MFAP3L: variants seen among roughly 807,000 people sequenced by gnomAD.
The protein encoded by MFAP3L is microfibrillar-associated protein 3-like.
In MFAP3L, 5 loss-of-function variants were observed where a neutral mutation model predicts 20.0. That is an observed-to-expected ratio of 0.25 (90% CI 0.13 to 0.53). The LOEUF is 0.53. Ranked by LOEUF, MFAP3L falls within the 20% of genes least tolerant of loss-of-function variation. The pLI, the probability that MFAP3L is intolerant of heterozygous loss-of-function variation, is 0.96. For missense variants in MFAP3L, 409 were observed against 527.5 expected, an observed-to-expected ratio of 0.78 and a Z score of 2.20; for synonymous variants, 219 against 213.0, an observed-to-expected ratio of 1.03 and a Z score of -0.25.
chr4:169,989,886 C>T lies in MFAP3L; in HGVS notation c.*1492G>A, dbSNP rs1423511574. The T allele has an allele frequency of 6.6e-6, 1 of 152,196 alleles. No homozygotes were observed. The highest frequency in any genetic ancestry group is 2.4e-5 in the African/African-American group (1 of 41,460). The allele number at this position is 152,196 out of a possible 1,614,324, so 9.4% of individuals were successfully genotyped here. A position where few individuals can be genotyped will look rare whatever the true frequency, so the allele number is the denominator to read the frequency against. On this transcript the variant is annotated 3_prime_UTR_variant, in exon 3 of 3. Transcript: ENST00000361618. ...GGTTTTTTTGGAAGGAGAAGATCCA[C>T]AATTTGTTTAAAATGCTATTTCTCA...
chr4:170,009,995 G>A (rs952897623), intron 1 of MFAP3L, among the ~76,000 whole-genome samples: 1 of 152,300 alleles, frequency 6.6e-6, no homozygotes, highest in African/African-American at 2.4e-5. Context: ...CCTACTGAGA[G>A]TTACCCCTAT....
intron 2 of MFAP3L, among the ~76,000 whole-genome samples, chr4:169,998,875 T>A (rs1738403884): frequency 6.6e-6 from 1 of 152,236 alleles, no homozygotes; most frequent in African/African-American, 2.4e-5. Context: ...AGTAAATGTT[T>A]ATGCAAACAA....
Position 170,010,816 on chromosome 4 carries a change from T to G in MFAP3L, c.-133-4806A>C, listed in dbSNP as rs112146802. Among the ~76,000 whole-genome samples, 690 of 141,938 alleles carry G rather than the reference T, an allele frequency of 4.9e-3. 10 individuals carry two copies. The highest frequency in any genetic ancestry group is 0.018 in the African/African-American group (607 of 34,548). The allele number at this position is 141,938 out of a possible 152,430, so 93.1% of individuals were successfully genotyped here. Reference sequence around the variant, plus strand: ...GATTTCCCACTGCATTGCGGGGGGGTGGGTGCCCCTAACCCATGTTGTTCA... The same window carrying G: ...GATTTCCCACTGCATTGCGGGGGGGGGGGTGCCCCTAACCCATGTTGTTCA... On this transcript the variant is annotated intron_variant, in intron 1 of 2. Transcript: ENST00000361618.
intron 1 of MFAP3L, 129 bp downstream of exon 1, chr4:170,026,105 G>T: frequency 7.2e-6 from 3 of 418,400 alleles, no homozygotes; most frequent in Non-Finnish European, 9.6e-6. Flanking sequence ...CGCAGCCTCC[G>T]CCGCAGTCTC....
chr4:170,013,774 AATTCTT>A (rs1338346658), intron 1 of MFAP3L, among the ~76,000 whole-genome samples: 2 of 152,232 alleles, frequency 1.3e-5, no homozygotes, highest in African/African-American at 4.8e-5. Flanking sequence ...CATAATGTCA[AATTCTT>A]ATTCTTATTC....
At chr4:170,020,520 T>C (rs1461711406) in intron 1 of MFAP3L, among the ~76,000 whole-genome samples, 2 of 152,178 alleles carry the variant, frequency 1.3e-5, no homozygotes. Context: ...GTCTTCGTTG[T>C]GTCAACAGTG....
In MFAP3L at chr4:169,987,038, A is replaced by C. The variant is rs959038299; in HGVS notation, c.*4340T>G. The C allele has an allele frequency of 1.3e-5, 2 of 152,186 alleles. No homozygotes were observed. The highest frequency in any genetic ancestry group is 2.4e-5 in the African/African-American group (1 of 41,460). The allele number at this position is 152,186 out of a possible 1,614,324, so 9.4% of individuals were successfully genotyped here. On this transcript the variant is annotated 3_prime_UTR_variant, in exon 3 of 3. Transcript: ENST00000361618. ...TAGTATCAGCCTCTTTATAAATTCT[A>C]TCTCTAAAAAATCTGTTAAAGATCA... is the stretch of plus-strand genomic sequence containing the variant.
At position 169,988,072 on chromosome 4, in the gene MFAP3L, A is replaced by G. The variant is rs1157244319; in HGVS notation, c.*3306T>C. 3.9e-5 allele frequency: 6 copies of G among 152,194 alleles called. No homozygotes were observed. In the East Asian group the frequency reaches 1.2e-3, roughly 29 times the overall value. The allele number at this position is 152,194 out of a possible 1,614,324, so 9.4% of individuals were successfully genotyped here. ...ATTCTGGACATAATGACACAGCACA[A>G]TAATGCTTGGGATGGATGAGACATT... On this transcript the variant is annotated 3_prime_UTR_variant, in exon 3 of 3. Coordinates refer to ENST00000361618, the MANE Select transcript of MFAP3L (RefSeq NM_021647.8).
chr4:169,999,020 A>ATAGG (rs1338074865), intron 2 of MFAP3L, among the ~76,000 whole-genome samples: 1 of 152,194 alleles, frequency 6.6e-6, no homozygotes, highest in East Asian at 1.9e-4. Flanking sequence ...TACTGAAGAG[A>ATAGG]TAGGATTCAT....
chr4:170,026,558 C>A, upstream of MFAP3L: 1 of 151,306 alleles, frequency 6.6e-6, no homozygotes, highest in South Asian at 1.9e-4. Context: ...GCGAGCCAGT[C>A]GGTGCTGCGG....
Position 169,990,647 on chromosome 4 carries a change from A to T in MFAP3L, c.*731T>A, listed in dbSNP as rs1737592493. 1 of 152,652 alleles carries T rather than the reference A, an allele frequency of 6.6e-6. No homozygotes were observed. The highest frequency in any genetic ancestry group is 2.4e-5 in the African/African-American group (1 of 41,450). The allele number at this position is 152,652 out of a possible 1,614,324, so 9.5% of individuals were successfully genotyped here. A position where few individuals can be genotyped will look rare whatever the true frequency, so the allele number is the denominator to read the frequency against. On this transcript the variant is annotated 3_prime_UTR_variant, in exon 3 of 3. Coordinates refer to ENST00000361618, the MANE Select transcript of MFAP3L (RefSeq NM_021647.8). Reference sequence around the variant, plus strand: ...ACTATTAAAGTGCTATTCCGGGGCAAAGTTTTTCTCAGTTTCGTTTAACAG... The same window carrying T: ...ACTATTAAAGTGCTATTCCGGGGCATAGTTTTTCTCAGTTTCGTTTAACAG...
intron 1 of MFAP3L, among the ~76,000 whole-genome samples, chr4:170,006,267 C>T (rs1325150420): frequency 6.6e-6 from 1 of 152,052 alleles, no homozygotes; most frequent in Non-Finnish European, 1.5e-5. Flanking sequence ...CACCCACCAA[C>T]ATGTCTGGCT....
chr4:170,013,634 G>T (rs1288889176), intron 1 of MFAP3L, among the ~76,000 whole-genome samples: 1 of 152,154 alleles, frequency 6.6e-6, no homozygotes, highest in African/African-American at 2.4e-5. Flanking sequence ...AATAACCTCA[G>T]ATCAGACCTG....
chr4:169,996,990 A>T (rs923005183), intron 2 of MFAP3L, among the ~76,000 whole-genome samples: 3 of 152,158 alleles, frequency 2.0e-5, no homozygotes, highest in African/African-American at 7.2e-5. Context: ...CCTTGTGTGA[A>T]CTCTGATTAA....
At chr4:170,016,387 T>C (rs1326216865) in intron 1 of MFAP3L, among the ~76,000 whole-genome samples, 1 of 152,190 alleles carries the variant, frequency 6.6e-6, no homozygotes, top group Non-Finnish European at 1.5e-5. Context: ...TTGAACTTAC[T>C]ATTCCCACCA....
At chr4:169,999,325 G>A (rs1422005756) in intron 2 of MFAP3L, among the ~76,000 whole-genome samples, 2 of 152,180 alleles carry the variant, frequency 1.3e-5, no homozygotes, top group Admixed American at 1.3e-4. Flanking sequence ...GGGATGGAAG[G>A]ATTTTGCTGT....
In MFAP3L at chr4:170,005,622, T is replaced by G; in HGVS notation, c.256A>C (p.Lys86Gln). 6.2e-7 allele frequency: 1 copy of G among 1,614,236 alleles called. No homozygotes were observed. The highest frequency in any genetic ancestry group is 8.5e-7 in the Non-Finnish European group (1 of 1,180,036). ...TCATCCTCTTCTTCTTTCAGCAGCTTGCCAATGGAATTATACCACTTGAAC... is the reference window on the plus strand; with the variant it reads ...TCATCCTCTTCTTCTTTCAGCAGCTGGCCAATGGAATTATACCACTTGAAC... ...PQFKWYNSIG[K>Q]LLKEEEDEKE... Residue 86 changes from lysine (K) to glutamine (Q), a missense_variant, in exon 2 of 3, where the codon AAG becomes CAG. Lys to Gln is a moderately conservative substitution (Grantham distance 53). Transcript: ENST00000361618.
chr4:169,997,344 AT>A (rs146888758), intron 2 of MFAP3L, among the ~76,000 whole-genome samples: 6 of 152,114 alleles, frequency 3.9e-5, no homozygotes, highest in East Asian at 1.9e-4. Flanking sequence ...CCCTAAATTA[AT>A]TTTTTTCAAT....
At chr4:170,018,971 C>G (rs775976740) in intron 1 of MFAP3L, among the ~76,000 whole-genome samples, 2 of 152,208 alleles carry the variant, frequency 1.3e-5, no homozygotes, top group African/African-American at 2.4e-5. Flanking sequence ...AGAACGCTCA[C>G]TGGTTACTCA....
Sources: gnomAD v4.1 joint callset for allele counts (sites outside exome capture counted in the v4.1 genomes callset) on GRCh38, gnomAD v4.1.1 for gene constraint, MANE v1.5 for transcripts, NCBI Gene and HGNC (gene_info 2026-07-23, HGNC 2026-07-21) for gene names.